SLC5A1: variants seen among roughly 807,000 people sequenced by gnomAD.
The protein encoded by SLC5A1 is solute carrier family 5 member 1, also known as sodium/glucose cotransporter 1.
SLC5A1 carries 42 observed loss-of-function variants against 73.5 expected under a neutral mutation model. The ratio of observed to expected loss-of-function variants is 0.57; its 90% CI spans 0.45 to 0.74. The LOEUF is 0.74. Ranked by LOEUF, SLC5A1 falls within the 30% of genes least tolerant of loss-of-function variation. SLC5A1 has a pLI of 0.00. For missense variants in SLC5A1, 634 were observed against 855.4 expected, an observed-to-expected ratio of 0.74 and a Z score of 3.23; for synonymous variants, 300 against 317.4, an observed-to-expected ratio of 0.95 and a Z score of 0.58.
At chr22:32,103,205 C>CT in intron 13 of SLC5A1, among the ~76,000 whole-genome samples, 1 of 152,264 alleles carries the variant, frequency 6.6e-6, no homozygotes, top group East Asian at 1.9e-4. Context: ...TTTGAGGATT[C>CT]CCCTTTCTCC....
At chr22:32,051,824 T>C (rs9606899) in intron 2 of SLC5A1, among the ~76,000 whole-genome samples, 24,947 of 152,202 alleles carry the variant, frequency 0.16, 2,488 homozygotes, top group African/African-American at 0.28. Context: ...GTCACAACTA[T>C]TCCACTCTGC....
At chr22:32,055,266 T>A (rs1270028836) in intron 2 of SLC5A1, among the ~76,000 whole-genome samples, 1 of 152,194 alleles carries the variant, frequency 6.6e-6, no homozygotes, top group Non-Finnish European at 1.5e-5. Context: ...AAATAGAGAC[T>A]GTGATGACTC....
intron 10 of SLC5A1, among the ~76,000 whole-genome samples, chr22:32,091,387 G>T (rs1323987552): frequency 6.6e-6 from 1 of 151,152 alleles, no homozygotes; most frequent in Non-Finnish European, 1.5e-5. Context: ...TTCACCTCAA[G>T]TATGTTGTGT....
chr22:32,096,154 G>A (rs2149495565), intron 11 of SLC5A1, among the ~76,000 whole-genome samples: 1 of 152,312 alleles, frequency 6.6e-6, no homozygotes, highest in Admixed American at 6.5e-5. Context: ...CTGTCCATCT[G>A]AGTGGGAGCT....
chr22:32,048,027 C>T (rs2093939372), intron 1 of SLC5A1, among the ~76,000 whole-genome samples: 2 of 151,904 alleles, frequency 1.3e-5, no homozygotes, highest in African/African-American at 4.8e-5. Flanking sequence ...TGGTGTGTGC[C>T]TGTACTCCCA....
At chr22:32,081,725 G>C (rs1460178464) in intron 5 of SLC5A1, 141 bp from the exon 6 acceptor site, 1 of 726,500 alleles carries the variant, frequency 1.4e-6, no homozygotes, top group Non-Finnish European at 2.5e-6. Flanking sequence ...AGACCTTTTT[G>C]ACCATGGAAT....
At chr22:32,080,482 A>G (rs2093997873) in intron 5 of SLC5A1, among the ~76,000 whole-genome samples, 1 of 152,114 alleles carries the variant, frequency 6.6e-6, no homozygotes, top group African/African-American at 2.4e-5. Flanking sequence ...GGCCCTCAGG[A>G]GCAGCAATGG....
At chr22:32,082,218 G>C (rs2094001181) in intron 6 of SLC5A1, among the ~76,000 whole-genome samples, 1 of 152,134 alleles carries the variant, frequency 6.6e-6, no homozygotes, top group Non-Finnish European at 1.5e-5. Context: ...TGCAGAGCTG[G>C]GCCCTGTGGG....
intron 11 of SLC5A1, among the ~76,000 whole-genome samples, chr22:32,097,960 A>G (rs1213657889): frequency 6.6e-6 from 1 of 152,262 alleles, no homozygotes. Flanking sequence ...CACATTAAAA[A>G]AGTATTCAAT....
At chr22:32,078,953 CCAAAAAAAA>C (rs2093995181) in intron 5 of SLC5A1, among the ~76,000 whole-genome samples, 1 of 35,630 alleles carries the variant, frequency 2.8e-5, no homozygotes, top group African/African-American at 1.3e-4. Context: ...GACTCTGTCT[CCAAAAAAAA>C]AAAAAAAAAA....
intron 1 of SLC5A1, among the ~76,000 whole-genome samples, chr22:32,047,309 A>G (rs1365702912): frequency 6.6e-6 from 1 of 152,138 alleles, no homozygotes; most frequent in Non-Finnish European, 1.5e-5. Context: ...TCTTTCCTGA[A>G]TTATTTCAGC....
At chr22:32,084,876 C>T (rs1255888804) in intron 8 of SLC5A1, 24 bp from the exon 9 acceptor site, 2 of 1,613,628 alleles carry the variant, frequency 1.2e-6, no homozygotes, top group African/African-American at 1.3e-5. Flanking sequence ...CTGCACACCT[C>T]CCTTACTGGG....
intron 2 of SLC5A1, among the ~76,000 whole-genome samples, chr22:32,060,070 T>C (rs1475853954): frequency 1.3e-5 from 2 of 149,828 alleles, no homozygotes; most frequent in African/African-American, 4.9e-5. Flanking sequence ...CACACACATA[T>C]ATATATACAC....
At chr22:32,085,306 T>G (rs1305578573) in intron 9 of SLC5A1, among the ~76,000 whole-genome samples, 1 of 152,062 alleles carries the variant, frequency 6.6e-6, no homozygotes, top group Non-Finnish European at 1.5e-5. Context: ...TTTTTTTTTT[T>G]GTAGCGATGG....
rs1250653661 is a variant in SLC5A1 at position 32,110,604 on chromosome 22, T to A, written c.*391T>A. On this transcript the variant is annotated 3_prime_UTR_variant, in exon 15 of 15. Transcript: ENST00000266088. ...TTTGGTCTCCCTGGTTCCTGCCACT[T>A]TTCCTGTCCGTCCTCCTCCCCATTT... 1 of 294,676 alleles carries A rather than the reference T, an allele frequency of 3.4e-6. No individual in the cohort carries two copies. Among genetic ancestry groups the A allele is most frequent in the Non-Finnish European group, 6.5e-6 (1 of 153,206 alleles). The allele number at this position is 294,676 out of a possible 1,614,324, so 18.3% of individuals were successfully genotyped here. A position where few individuals can be genotyped will look rare whatever the true frequency, so the allele number is the denominator to read the frequency against.
intron 5 of SLC5A1, among the ~76,000 whole-genome samples, chr22:32,071,232 G>C (rs1166068356): frequency 2.6e-5 from 4 of 152,140 alleles, no homozygotes; most frequent in Admixed American, 2.6e-4. Context: ...CATGAGGATT[G>C]CGTGAGACCA....
At chr22:32,066,793 T>A in intron 2 of SLC5A1, 142 bp from the exon 3 acceptor site, 1 of 682,216 alleles carries the variant, frequency 1.5e-6, no homozygotes, top group Non-Finnish European at 2.7e-6. Context: ...CTGTCCCTGA[T>A]GATTCCAGCA....
intron 2 of SLC5A1, among the ~76,000 whole-genome samples, chr22:32,055,135 T>A (rs768483221): frequency 2.0e-5 from 3 of 152,174 alleles, no homozygotes; most frequent in Admixed American, 6.5e-5. Context: ...CAAAAACTGG[T>A]GGGAAAATGT....
At chr22:32,051,123 G>C (rs1216207438) in intron 2 of SLC5A1, among the ~76,000 whole-genome samples, 1 of 152,208 alleles carries the variant, frequency 6.6e-6, no homozygotes, top group East Asian at 1.9e-4. Context: ...TTTTGGAAGA[G>C]AGTTTGATCA....
Sources: gnomAD v4.1 joint callset for allele counts (sites outside exome capture counted in the v4.1 genomes callset) on GRCh38, gnomAD v4.1.1 for gene constraint, MANE v1.5 for transcripts, NCBI Gene and HGNC (gene_info 2026-07-23, HGNC 2026-07-21) for gene names.